Variants in SLC12A8 observed in about 807,000 individuals in gnomAD.
SLC12A8 encodes solute carrier family 12 member 8.
In SLC12A8, 69 loss-of-function variants were observed where a neutral mutation model predicts 75.6. The observed-to-expected ratio is 0.91, with a 90% confidence interval of 0.75 to 1.11. The LOEUF (loss-of-function observed/expected upper bound fraction) is 1.11, where lower values mean the gene tolerates loss of function less well. Ranked by LOEUF, SLC12A8 falls within the 50% of genes most tolerant of loss-of-function variation. SLC12A8 has a pLI of 0.00. For missense variants in SLC12A8, 877 were observed against 896.7 expected (o/e 0.98, Z 0.28); for synonymous variants, 365 against 372.8 (o/e 0.98, Z 0.24).
chr3:125,193,363 C>T (rs13322132), intron 2 of SLC12A8, among the ~76,000 whole-genome samples: 56,540 of 151,918 alleles, frequency 0.37, 10,705 homozygotes, highest in Non-Finnish European at 0.41. Flanking sequence ...GAGTGAGACC[C>T]TGTCTCAAAA....
chr3:125,168,322 G>A (rs1343960738), intron 5 of SLC12A8, among the ~76,000 whole-genome samples: 1 of 152,178 alleles, frequency 6.6e-6, no homozygotes, highest in African/African-American at 2.4e-5. Context: ...AGGGCAGTGG[G>A]GGAAGAAAAG....
intron 8 of SLC12A8, among the ~76,000 whole-genome samples, chr3:125,113,801 G>A (rs527663666): frequency 3.3e-4 from 50 of 152,140 alleles, no homozygotes; most frequent in African/African-American, 1.1e-3. Flanking sequence ...AGTAACTACT[G>A]ATGAAAATAA....
chr3:125,181,621 A>AAAG (rs563729603), intron 4 of SLC12A8, among the ~76,000 whole-genome samples: 7,870 of 147,408 alleles, frequency 0.053, 339 homozygotes, highest in East Asian at 0.19. Flanking sequence ...AAAAAAAAAA[A>AAAG]AAAAAAGAAA....
At chr3:125,126,717 C>T (rs1480325944) in intron 6 of SLC12A8, among the ~76,000 whole-genome samples, 2 of 152,218 alleles carry the variant, frequency 1.3e-5, no homozygotes, top group Non-Finnish European at 1.5e-5. Flanking sequence ...TCCAAGATTC[C>T]TCCTGGGGAC....
chr3:125,198,256 T>TA (rs200980342), intron 2 of SLC12A8, among the ~76,000 whole-genome samples: 66,237 of 130,260 alleles, frequency 0.51, 18,224 homozygotes, highest in Non-Finnish European at 0.63. Flanking sequence ...ATGTGTTCTT[T>TA]AAAAAAAAAA....
chr3:125,205,519 G>A (rs928259470), intron 2 of SLC12A8, among the ~76,000 whole-genome samples: 1 of 152,130 alleles, frequency 6.6e-6, no homozygotes, highest in Non-Finnish European at 1.5e-5. Flanking sequence ...TAACCAACAG[G>A]TCTTTAAAGT....
Position 125,132,995 on chromosome 3 carries a change from G to T in SLC12A8, c.736+2674C>A, listed in dbSNP as rs931559521. On this transcript the variant is annotated intron_variant, in intron 6 of 13. Transcript: ENST00000469902. ...TTAAATAAAGTGAGAGACTAAAAATGCACGCTGCATTTAGTAACAAGGAAG... is the reference window on the plus strand; with the variant it reads ...TTAAATAAAGTGAGAGACTAAAAATTCACGCTGCATTTAGTAACAAGGAAG... Among the ~76,000 whole-genome samples the T allele has an allele frequency of 3.9e-5, 6 of 152,252 alleles. No individual in the cohort carries two copies. In the South Asian group the frequency reaches 1.2e-3, roughly 32 times the overall value.
At chr3:125,141,352 C>T (rs1488080845) in intron 5 of SLC12A8, among the ~76,000 whole-genome samples, 1 of 152,186 alleles carries the variant, frequency 6.6e-6, no homozygotes, top group Non-Finnish European at 1.5e-5. Flanking sequence ...ACCATCTGCT[C>T]CCAAGGGGTG....
intron 6 of SLC12A8, 23 bp downstream of exon 6, chr3:125,135,646 A>G: frequency 1.3e-6 from 2 of 1,519,066 alleles, no homozygotes; most frequent in Non-Finnish European, 1.8e-6. Context: ...TTTGAGAGTA[A>G]AAAAGAACCC....
At chr3:125,134,721 CTTG>C (rs1272659669) in intron 6 of SLC12A8, among the ~76,000 whole-genome samples, 22 of 152,230 alleles carry the variant, frequency 1.4e-4, no homozygotes, top group Non-Finnish European at 3.2e-4. Context: ...CTTGCTAACA[CTTG>C]TATGGACAAT....
At chr3:125,159,155 G>A (rs947487567) in intron 5 of SLC12A8, among the ~76,000 whole-genome samples, 2 of 152,142 alleles carry the variant, frequency 1.3e-5, no homozygotes, top group East Asian at 3.8e-4. Context: ...TTTAAGTATG[G>A]TTAGTTTGTC....
At chr3:125,118,587 A>G (rs569274823) in intron 8 of SLC12A8, among the ~76,000 whole-genome samples, 182 bp downstream of exon 8, 20 of 152,296 alleles carry the variant, frequency 1.3e-4, no homozygotes, top group Non-Finnish European at 2.5e-4. Flanking sequence ...TGAGATTGCA[A>G]CACTGCACTC....
intron 8 of SLC12A8, among the ~76,000 whole-genome samples, 165 bp downstream of exon 8, chr3:125,118,604 A>C (rs1932953839): frequency 6.6e-6 from 1 of 152,198 alleles, no homozygotes; most frequent in Non-Finnish European, 1.5e-5. Flanking sequence ...ACTCCAGCCT[A>C]GGCAACAGAG....
At chr3:125,159,611 C>T (rs568926753) in intron 5 of SLC12A8, among the ~76,000 whole-genome samples, 4 of 152,268 alleles carry the variant, frequency 2.6e-5, no homozygotes, top group Admixed American at 6.5e-5. Context: ...CCAGGTATTT[C>T]TGGACATGGG....
rs1938714239 is a variant in SLC12A8 at position 125,096,444 on chromosome 3, T to C, written c.1706-4246A>G. On this transcript the variant is annotated intron_variant, in intron 10 of 13. Coordinates refer to ENST00000469902, the MANE Select transcript of SLC12A8 (RefSeq NM_024628.6). Reference sequence around the variant, plus strand: ...AAAAACCTTCTATGTCTATTCAGCATGTTCCCCCAGCACTTGGGACAGTGT... The same window carrying C: ...AAAAACCTTCTATGTCTATTCAGCACGTTCCCCCAGCACTTGGGACAGTGT... 2.6e-5 allele frequency among the ~76,000 whole-genome samples: 4 copies of C among 152,158 alleles called. No homozygotes were observed. In the South Asian group the frequency reaches 8.3e-4, roughly 32 times the overall value.
chr3:125,132,748 G>A (rs564301643), intron 6 of SLC12A8, among the ~76,000 whole-genome samples: 1 of 152,320 alleles, frequency 6.6e-6, no homozygotes, highest in South Asian at 2.1e-4. Context: ...GGAGTCACCA[G>A]TTTTGAGGGT....
rs1939065340 is a variant in SLC12A8, at chr3:125,107,690, T to G, written c.1496A>C (p.Gln499Pro). ...QKRKSKKATK[Q>P]TLQDSFLLDL... ...CAAGAGGAAGCTATCTTGTAGGGTC[T>G]GCTTGGTGGCCTTCTTGCTTTTCCT... Residue 499 changes from glutamine to proline, a missense_variant, in exon 10 of 14, where the codon CAG (glutamine) becomes CCG (proline). Transcript: ENST00000469902. 1.9e-6 allele frequency: 3 copies of G among 1,614,196 alleles called. No homozygotes were observed. Among genetic ancestry groups the G allele is most frequent in the Non-Finnish European group, 2.5e-6 (3 of 1,180,024 alleles).
At chr3:125,152,198 C>CAAGTAGAAATTTGAGGGAAAAG (rs1933940965) in intron 5 of SLC12A8, among the ~76,000 whole-genome samples, 1 of 152,180 alleles carries the variant, frequency 6.6e-6, no homozygotes, top group South Asian at 2.1e-4. Flanking sequence ...CCTTTTGCTT[C>CAAGTAGAAATTTGAGGGAAAAG]AAGTAGAAAT....
intron 5 of SLC12A8, among the ~76,000 whole-genome samples, chr3:125,141,035 A>C (rs537800): frequency 0.56 from 85,080 of 151,994 alleles, 24,264 homozygotes; most frequent in East Asian, 0.8. Context: ...CCTGGGATGC[A>C]TGGGGCCTGC....
Sources: gnomAD v4.1 joint callset for allele counts (sites outside exome capture counted in the v4.1 genomes callset) on GRCh38, gnomAD v4.1.1 for gene constraint, MANE v1.5 for transcripts, NCBI Gene and HGNC (gene_info 2026-07-23, HGNC 2026-07-21) for gene names.